MICU3: variants seen among roughly 807,000 people sequenced by gnomAD.
The protein encoded by MICU3 is calcium uptake protein 3, mitochondrial.
Under a neutral mutation model 66.5 loss-of-function variants are expected in MICU3, and 62 were observed. The observed-to-expected ratio is 0.93, with a 90% CI of 0.76 to 1.15. MICU3 has a LOEUF of 1.15. MICU3 is among the 50% of genes most tolerant of loss of function. The probability of loss-of-function intolerance (pLI) is 0.00; values close to 1 mark genes in which losing one functional copy is unlikely to be tolerated. For synonymous variants in MICU3, 308 were observed against 240.7 expected, an observed-to-expected ratio of 1.28 and a Z score of -2.59; for missense variants, 779 against 664.4, an observed-to-expected ratio of 1.17 and a Z score of -1.90.
rs1476148495 is a variant in MICU3 at position 17,098,586 on chromosome 8, A to G, written c.984+33A>G. ...TAAACCTCAACAAGGTCCTTGTACT[A>G]TTTGCCATCTTGTTAATCTAGTCGT... On this transcript the variant is annotated intron_variant, in intron 9 of 14. Transcript: ENST00000318063. 4 of 1,350,908 alleles carry G rather than the reference A, an allele frequency of 3.0e-6. No individual in the cohort carries two copies. The African/African-American group carries it at 4.3e-5, about 15-fold the overall frequency. 83.7% of individuals were successfully genotyped at this position (1,350,908 alleles called of 1,614,324 possible).
rs1811146114 is a variant in MICU3, at chr8:17,027,300, C to T, written c.21C>T (p.Leu7=). 9 of 1,417,510 alleles carry T rather than the reference C, an allele frequency of 6.3e-6. No individual in the cohort carries two copies. Among genetic ancestry groups the T allele is most frequent in the Middle Eastern group, 2.0e-4 (1 of 4,986 alleles). The allele number at this position is 1,417,510 out of a possible 1,614,324, so 87.8% of individuals were successfully genotyped here. A position where few individuals can be genotyped will look rare whatever the true frequency, so the allele number is the denominator to read the frequency against. Residue 7 remains leucine (L), a synonymous_variant, in exon 1 of 15, where the codon CTC becomes CTT. Transcript: ENST00000318063. ...CCGCTATGGCTGCGCTGCGAAGGCT[C>T]TTGTGGCCGCCACCCCGGGTGTCTC... MAALRR[L]LWPPPRVSPP...
intron 3 of MICU3, among the ~76,000 whole-genome samples, chr8:17,074,651 A>G (rs1210540110): frequency 6.6e-6 from 1 of 150,954 alleles, no homozygotes; most frequent in Non-Finnish European, 1.5e-5. Flanking sequence ...TGCCACCCCT[A>G]GAGACAATTA....
At chr8:17,109,283 A>G (rs1413444266) in intron 11 of MICU3, among the ~76,000 whole-genome samples, 1 of 152,098 alleles carries the variant, frequency 6.6e-6, no homozygotes, top group Non-Finnish European at 1.5e-5. Context: ...TGATGGATAG[A>G]TGGTATTTTA....
chr8:17,030,970 T>C (rs536183535), intron 1 of MICU3, among the ~76,000 whole-genome samples: 1 of 152,226 alleles, frequency 6.6e-6, no homozygotes, highest in Non-Finnish European at 1.5e-5. Flanking sequence ...TTAGCTCTTT[T>C]GTATTTTTAC....
chr8:17,092,986 T>C (rs189001117), intron 8 of MICU3, among the ~76,000 whole-genome samples: 17 of 152,184 alleles, frequency 1.1e-4, no homozygotes, highest in Admixed American at 1.0e-3. Context: ...ACTATGGAGA[T>C]AGAGACTCTG....
At chr8:17,066,241 A>G (rs1055106526) in intron 2 of MICU3, among the ~76,000 whole-genome samples, 2 of 151,930 alleles carry the variant, frequency 1.3e-5, no homozygotes, top group Non-Finnish European at 2.9e-5. Flanking sequence ...ATAAAAATGT[A>G]TGGAATATTT....
the MICU3 span, among the ~76,000 whole-genome samples, chr8:17,137,705 CTTTTTTTTTTTTT>C: frequency 2.2e-4 from 23 of 102,884 alleles, no homozygotes; most frequent in African/African-American, 4.6e-4. Context: ...TTTTCTTTTC[CTTTTTTTTTTTTT>C]TTTTTTTTTT....
rs1585391788 is a variant in MICU3 at position 17,081,753 on chromosome 8, A to G, written c.694+13A>G. 1 of 922,670 alleles carries G rather than the reference A, an allele frequency of 1.1e-6. No individual in the cohort carries two copies. 57.2% of individuals were successfully genotyped at this position (922,670 alleles called of 1,614,324 possible). A position where few individuals can be genotyped will look rare whatever the true frequency, so the allele number is the denominator to read the frequency against. ...TGTATTTTAACAAGTAAGTATACTT[A>G]TTGCTTTTATTTCTGGATGCAGCTT... is the stretch of plus-strand genomic sequence containing the variant. On this transcript the variant is annotated intron_variant, in intron 5 of 14. Coordinates refer to ENST00000318063, the MANE Select transcript of MICU3 (RefSeq NM_181723.3).
At chr8:17,112,965 A>G (rs2150829803) in intron 11 of MICU3, among the ~76,000 whole-genome samples, 2 of 152,326 alleles carry the variant, frequency 1.3e-5, no homozygotes, top group Admixed American at 1.3e-4. Flanking sequence ...ATAGGGTCAC[A>G]AAGCAGGATC....
intron 1 of MICU3, among the ~76,000 whole-genome samples, chr8:17,054,614 C>T (rs1269679276): frequency 1.3e-5 from 2 of 152,232 alleles, no homozygotes; most frequent in East Asian, 3.9e-4. Context: ...TGTTCAGTCT[C>T]CCTTAGGTAA....
chr8:17,114,714 C>A (rs1802520006), intron 12 of MICU3, among the ~76,000 whole-genome samples: 1 of 152,160 alleles, frequency 6.6e-6, no homozygotes, highest in Admixed American at 6.5e-5. Context: ...TGATCACCTT[C>A]CCTCTCCTCA....
In MICU3 at chr8:17,120,971, T is replaced by G. The variant is rs1803152875; in HGVS notation, c.*684T>G. 1 of 152,014 alleles carries G rather than the reference T, an allele frequency of 6.6e-6. No individual in the cohort carries two copies. 9.4% of individuals were successfully genotyped at this position (152,014 alleles called of 1,614,324 possible). On this transcript the variant is annotated 3_prime_UTR_variant, in exon 15 of 15. Transcript: ENST00000318063. Reference sequence around the variant, plus strand: ...CAACAGAATGTCTGTTATTGTTTTATGTATACGGTAAAGAAATTTAAAGTG... The same window carrying G: ...CAACAGAATGTCTGTTATTGTTTTAGGTATACGGTAAAGAAATTTAAAGTG...
chr8:17,032,794 T>C (rs1812316081), intron 1 of MICU3, among the ~76,000 whole-genome samples: 1 of 152,214 alleles, frequency 6.6e-6, no homozygotes, highest in South Asian at 2.1e-4. Context: ...ATTGAGCAAA[T>C]CAGTTGGCAC....
rs186656528 is a variant in MICU3 at position 17,116,801 on chromosome 8, A to G, written c.1524+201A>G. Among the ~76,000 whole-genome samples, 7 of 152,292 alleles carry G rather than the reference A, an allele frequency of 4.6e-5. No individual in the cohort carries two copies. The East Asian group carries it at 1.4e-3, about 29-fold the overall frequency. The stretch of plus-strand genomic sequence containing the variant: ...AGAGAATGCTTTTTAAAAAATGTGA[A>G]ATCAGTTTGACCTTATAATAATTTA... On this transcript the variant is annotated intron_variant, in intron 13 of 14. Coordinates refer to ENST00000318063, the MANE Select transcript of MICU3 (RefSeq NM_181723.3).
intron 13 of MICU3, among the ~76,000 whole-genome samples, chr8:17,117,453 T>C (rs1296789026): frequency 6.6e-6 from 1 of 152,172 alleles, no homozygotes; most frequent in African/African-American, 2.4e-5. Context: ...GAAACATGTT[T>C]TAAAGCTGGA....
At chr8:17,128,039 G>T in the MICU3 span, among the ~76,000 whole-genome samples, 1 of 152,152 alleles carries the variant, frequency 6.6e-6, no homozygotes, top group Non-Finnish European at 1.5e-5. Context: ...TTCACAGATG[G>T]TTGGAACTGG....
chr8:17,061,125 A>G (rs1817762189), intron 1 of MICU3, among the ~76,000 whole-genome samples: 2 of 152,184 alleles, frequency 1.3e-5, no homozygotes, highest in South Asian at 4.1e-4. Context: ...ATAAAACTGT[A>G]GGAAAGTAGT....
At chr8:17,093,432 A>G (rs1585458964) in intron 8 of MICU3, among the ~76,000 whole-genome samples, 1 of 152,110 alleles carries the variant, frequency 6.6e-6, no homozygotes, top group Non-Finnish European at 1.5e-5. Context: ...TCTGTATTTG[A>G]AAAGAATGTG....
At chr8:17,097,106 G>T (rs1270238544) in intron 8 of MICU3, among the ~76,000 whole-genome samples, 3 of 151,326 alleles carry the variant, frequency 2.0e-5, no homozygotes. Flanking sequence ...CTAGTTTGGT[G>T]GGTTTAACAA....
Sources: allele counts gnomAD v4.1 joint callset (sites outside exome capture counted in the v4.1 genomes callset), GRCh38; gene constraint gnomAD v4.1.1; transcripts MANE v1.5; gene names NCBI Gene and HGNC (gene_info 2026-07-23, HGNC 2026-07-21).